Variants in PTPRM observed in about 807,000 individuals in gnomAD.
PTPRM encodes protein tyrosine phosphatase receptor type M, also known as receptor-type tyrosine-protein phosphatase mu.
A neutral mutation model predicts 186.7 loss-of-function variants in PTPRM; 47 were observed. That is an observed-to-expected ratio of 0.25 (90% confidence interval 0.20 to 0.32). PTPRM has a LOEUF of 0.32. Ranked by LOEUF, PTPRM falls within the 10% of genes least tolerant of loss-of-function variation. The pLI, the probability that PTPRM is intolerant of heterozygous loss-of-function variation, is 1.00. For synonymous variants in PTPRM, 668 were observed against 674.9 expected (o/e 0.99, Z 0.16); for missense variants, 1,494 against 1,865.0 (o/e 0.80, Z 3.66).
chr18:8,232,914 G>T lies in PTPRM; in HGVS notation c.2301-11144G>T, dbSNP rs187743747. Among the ~76,000 whole-genome samples, 11 of 152,278 alleles carry T rather than the reference G, an allele frequency of 7.2e-5. No homozygotes were observed. The East Asian group carries it at 1.7e-3, about 24-fold the overall frequency. On this transcript the variant is annotated intron_variant, in intron 14 of 32. Transcript: ENST00000580170. Reference sequence around the variant, plus strand: ...TTAGGCAAAAGAGATAGCAAGGAGGGGGGTGGTGGTTGTCAGGTAATTGTC... The same window carrying T: ...TTAGGCAAAAGAGATAGCAAGGAGGTGGGTGGTGGTTGTCAGGTAATTGTC...
At chr18:7,972,610 GTATTGC>G (rs2147323371) in intron 7 of PTPRM, among the ~76,000 whole-genome samples, 1 of 149,772 alleles carries the variant, frequency 6.7e-6, no homozygotes, top group South Asian at 2.1e-4. Context: ...TAAATATTAT[GTATTGC>G]TATTTTGCTA....
intron 19 of PTPRM, among the ~76,000 whole-genome samples, chr18:8,291,386 T>A (rs2095041323): frequency 6.6e-6 from 1 of 152,196 alleles, no homozygotes; most frequent in Non-Finnish European, 1.5e-5. Context: ...CGAAAATCCT[T>A]ATTCCAAAGA....
At position 8,240,828 on chromosome 18, in the gene PTPRM, A is replaced by AGAGAGAGAGAG. The variant is rs879710754; in HGVS notation, c.2301-3230_2301-3229insGAGAGAGAGAG. ...AGAGAGAGAGAGAGAGAGAGAGAGA[A>AGAGAGAGAGAG]AGAAAGAAAGAAAGAAAAGAAAGAA... is the stretch of plus-strand genomic sequence containing the variant. On this transcript the variant is annotated intron_variant, in intron 14 of 32. Transcript: ENST00000580170. 1.5e-3 allele frequency among the ~76,000 whole-genome samples: 48 copies of AGAGAGAGAGAG among 31,294 alleles called. 2 individuals are homozygous for AGAGAGAGAGAG. Among genetic ancestry groups the AGAGAGAGAGAG allele is most frequent in the East Asian group, 4.7e-3 (6 of 1,274 alleles). The allele number at this position is 31,294 out of a possible 152,430, so 20.5% of individuals were successfully genotyped here. A position where few individuals can be genotyped will look rare whatever the true frequency, so the allele number is the denominator to read the frequency against.
At chr18:8,241,592 G>T (rs890944506) in intron 14 of PTPRM, among the ~76,000 whole-genome samples, 10 of 152,194 alleles carry the variant, frequency 6.6e-5, no homozygotes, top group African/African-American at 1.9e-4. Flanking sequence ...AACTTGAAAT[G>T]ACTTGAACCT....
chr18:7,916,298 A>G (rs140837448), intron 4 of PTPRM, among the ~76,000 whole-genome samples: 227 of 152,350 alleles, frequency 1.5e-3, no homozygotes, highest in African/African-American at 5.1e-3. Flanking sequence ...GGCGTACCAT[A>G]GATGAACACA....
At chr18:8,199,679 T>A (rs1415719713) in intron 14 of PTPRM, among the ~76,000 whole-genome samples, 1 of 152,194 alleles carries the variant, frequency 6.6e-6, no homozygotes, top group Non-Finnish European at 1.5e-5. Context: ...GTGAAGGTAT[T>A]TCACTTCCAA....
chr18:8,178,040 A>G (rs1418986894), intron 14 of PTPRM, among the ~76,000 whole-genome samples: 3 of 152,204 alleles, frequency 2.0e-5, no homozygotes, highest in African/African-American at 7.2e-5. Context: ...TTTGCCTCTT[A>G]GTGTGCATGC....
At chr18:7,693,624 A>C (rs776893305) in intron 1 of PTPRM, among the ~76,000 whole-genome samples, 8 of 152,210 alleles carry the variant, frequency 5.3e-5, no homozygotes, top group Non-Finnish European at 1.2e-4. Flanking sequence ...AGTCCCACTT[A>C]GGTTCTTGGT....
chr18:7,935,090 G>T (rs2051722420), intron 5 of PTPRM, among the ~76,000 whole-genome samples: 1 of 152,086 alleles, frequency 6.6e-6, no homozygotes, highest in African/African-American at 2.4e-5. Flanking sequence ...ATGTATAAAA[G>T]CCACAAAATG....
intron 2 of PTPRM, among the ~76,000 whole-genome samples, chr18:7,822,255 T>G (rs1159988447): frequency 6.6e-6 from 1 of 152,230 alleles, no homozygotes; most frequent in Non-Finnish European, 1.5e-5. Flanking sequence ...AACTATCTCA[T>G]CCACTTCAGA....
intron 1 of PTPRM, among the ~76,000 whole-genome samples, chr18:7,741,058 G>A (rs2040875318): frequency 6.6e-6 from 1 of 152,154 alleles, no homozygotes; most frequent in Non-Finnish European, 1.5e-5. Flanking sequence ...TGTGTGTGTA[G>A]TGTAAATTCT....
chr18:7,864,414 T>C (rs1225626963), intron 2 of PTPRM, among the ~76,000 whole-genome samples: 1 of 152,248 alleles, frequency 6.6e-6, no homozygotes, highest in Non-Finnish European at 1.5e-5. Context: ...TTTCTGCATA[T>C]GGCTGGCCAG....
chr18:8,240,789 A>G (rs868270826), intron 14 of PTPRM, among the ~76,000 whole-genome samples: 8 of 20,256 alleles, frequency 3.9e-4, no homozygotes, highest in African/African-American at 2.2e-3. Flanking sequence ...AGAGAGAGAG[A>G]GAGAGAGAGA....
At chr18:8,111,956 C>G (rs927855018) in intron 11 of PTPRM, among the ~76,000 whole-genome samples, 2 of 152,124 alleles carry the variant, frequency 1.3e-5, no homozygotes, top group South Asian at 4.1e-4. Flanking sequence ...CTTCTTTCAC[C>G]GCTGTCAACT....
intron 5 of PTPRM, among the ~76,000 whole-genome samples, chr18:7,931,206 A>T (rs1416075161): frequency 6.7e-6 from 1 of 148,838 alleles, no homozygotes; most frequent in Non-Finnish European, 1.5e-5. Context: ...AAGTGTATTT[A>T]TGGAAATCAT....
At chr18:8,253,592 A>G (rs1255454792) in intron 19 of PTPRM, among the ~76,000 whole-genome samples, 178 bp downstream of exon 19, 1 of 152,080 alleles carries the variant, frequency 6.6e-6, no homozygotes, top group East Asian at 1.9e-4. Flanking sequence ...ACCCCAGTAT[A>G]TGTCCAAGTC....
chr18:7,889,811 A>G (rs969794162), intron 3 of PTPRM, among the ~76,000 whole-genome samples: 2 of 152,204 alleles, frequency 1.3e-5, no homozygotes, highest in African/African-American at 4.8e-5. Flanking sequence ...AGCAACAGGA[A>G]GAAAGTACCA....
At chr18:8,280,743 T>C (rs1225463349) in intron 19 of PTPRM, among the ~76,000 whole-genome samples, 1 of 152,208 alleles carries the variant, frequency 6.6e-6, no homozygotes, top group Non-Finnish European at 1.5e-5. Context: ...AACGTAGAAC[T>C]GCCCTTACGT....
chr18:7,644,559 A>C (rs2144211654), intron 1 of PTPRM, among the ~76,000 whole-genome samples: 1 of 152,292 alleles, frequency 6.6e-6, no homozygotes, highest in African/African-American at 2.4e-5. Context: ...TACTCTATCA[A>C]GAAAATTGAA....
Sources: gnomAD v4.1 joint callset for allele counts (sites outside exome capture counted in the v4.1 genomes callset) on GRCh38, gnomAD v4.1.1 for gene constraint, MANE v1.5 for transcripts, NCBI Gene and HGNC (gene_info 2026-07-23, HGNC 2026-07-21) for gene names.